The following CNTRL variants were observed in gnomAD, a reference collection of about 807,000 sequenced individuals.
The protein encoded by CNTRL is 110 kDa centrosomal protein.
CNTRL carries 233 observed loss-of-function variants against 303.7 expected under a neutral mutation model. The ratio of observed to expected loss-of-function variants is 0.77; its 90% CI spans 0.69 to 0.86. The LOEUF is 0.86. Ranked by LOEUF, CNTRL falls within the 40% of genes least tolerant of loss-of-function variation. The probability of loss-of-function intolerance (pLI) is 0.00; values close to 1 mark genes in which losing one functional copy is unlikely to be tolerated. For missense variants in CNTRL, 2,524 were observed against 2,650.6 expected (o/e 0.95, Z 1.05); for synonymous variants, 900 against 922.2 (o/e 0.98, Z 0.44).
chr9:121,157,638 G>C (rs1216727667), intron 28 of CNTRL, 38 bp downstream of exon 28: 2 of 1,606,400 alleles, frequency 1.2e-6, no homozygotes, highest in Admixed American at 1.7e-5. Flanking sequence ...TATACATTGA[G>C]ATGAATGAAA....
intron 34 of CNTRL, 110 bp downstream of exon 34, chr9:121,162,381 C>A: frequency 1.2e-6 from 1 of 855,206 alleles, no homozygotes; most frequent in Non-Finnish European, 1.9e-6. Context: ...ACACCACAAA[C>A]TTGGTATCAT....
At chr9:121,115,312 G>T in intron 11 of CNTRL, 112 bp downstream of exon 11, 1 of 537,664 alleles carries the variant, frequency 1.9e-6, no homozygotes, top group Non-Finnish European at 3.2e-6. Flanking sequence ...AGTTAATTAT[G>T]GAATGATAAA....
chr9:121,144,805 A>G, intron 20 of CNTRL, 38 bp from the exon 21 acceptor site: 1 of 1,433,384 alleles, frequency 7.0e-7, no homozygotes, highest in Non-Finnish European at 9.8e-7. Flanking sequence ...ACAACCTGTG[A>G]TAGCAGTGGT....
chr9:121,165,802 TTAAG>T (rs1325885556), intron 35 of CNTRL, among the ~76,000 whole-genome samples: 1 of 152,118 alleles, frequency 6.6e-6, no homozygotes. Context: ...TCCTGAAAGG[TTAAG>T]TTTCTATTTC....
chr9:121,168,849 G>T (rs887439873), intron 38 of CNTRL, among the ~76,000 whole-genome samples: 21 of 152,128 alleles, frequency 1.4e-4, no homozygotes, highest in African/African-American at 4.6e-4. Flanking sequence ...AGGCTCCAGG[G>T]TTTAATAATG....
At chr9:121,092,495 CTA>C (rs376434259) in intron 4 of CNTRL, among the ~76,000 whole-genome samples, 443 of 13,824 alleles carry the variant, frequency 0.032, 24 homozygotes, top group East Asian at 0.23. Context: ...TAATATATAT[CTA>C]TATATATAAT....
chr9:121,082,546 A>G (rs1436216496), intron 2 of CNTRL, among the ~76,000 whole-genome samples: 2 of 152,250 alleles, frequency 1.3e-5, no homozygotes, highest in Admixed American at 1.3e-4. Context: ...TACAAACATC[A>G]TAGAATGTAC....
At position 121,164,934 on chromosome 9, in the gene CNTRL, C is replaced by T. The variant is rs2053023087; in HGVS notation, c.5424-9C>T. Reference sequence around the variant, plus strand: ...TATATTTGACAGTCTGACTTACTCTCTGTGGTAGGGTTTTAGCAGCAGCAG... The same window carrying T: ...TATATTTGACAGTCTGACTTACTCTTTGTGGTAGGGTTTTAGCAGCAGCAG... On this transcript the variant is annotated splice_polypyrimidine_tract_variant and intron_variant, in intron 34 of 43. Coordinates refer to ENST00000373855, the MANE Select transcript of CNTRL (RefSeq NM_007018.6). 6.2e-7 allele frequency: 1 copy of T among 1,607,938 alleles called. No homozygotes were observed. Among genetic ancestry groups the T allele is most frequent in the African/African-American group, 1.3e-5 (1 of 74,480 alleles).
intron 1 of CNTRL, among the ~76,000 whole-genome samples, chr9:121,079,677 T>C (rs1443003887): frequency 2.6e-5 from 4 of 152,158 alleles, no homozygotes; most frequent in Non-Finnish European, 5.9e-5. Flanking sequence ...GCTTAACCTG[T>C]AGTGAATGAG....
At chr9:121,119,104 GTGTA>G (rs1344055378) in intron 12 of CNTRL, among the ~76,000 whole-genome samples, 32 of 149,568 alleles carry the variant, frequency 2.1e-4, no homozygotes, top group African/African-American at 6.6e-4. Flanking sequence ...GTGTGTGTGT[GTGTA>G]TACACACACA....
chr9:121,165,726 C>A (rs1425780620), intron 35 of CNTRL, among the ~76,000 whole-genome samples: 1 of 152,086 alleles, frequency 6.6e-6, no homozygotes, highest in Admixed American at 6.5e-5. Context: ...AAGTGACTTG[C>A]TAGAGGTCAC....
chr9:121,133,079 T>G (rs1480557277), intron 14 of CNTRL, among the ~76,000 whole-genome samples: 1 of 152,186 alleles, frequency 6.6e-6, no homozygotes, highest in Non-Finnish European at 1.5e-5. Context: ...GTCTCCCAGT[T>G]AGGCTACACG....
chr9:121,108,750 A>G (rs1032248791), intron 8 of CNTRL, among the ~76,000 whole-genome samples: 1 of 152,162 alleles, frequency 6.6e-6, no homozygotes, highest in Admixed American at 6.6e-5. Context: ...CCTGGGCAAC[A>G]TAATGAGACC....
intron 4 of CNTRL, among the ~76,000 whole-genome samples, chr9:121,091,985 C>T (rs954947170): frequency 5.5e-5 from 8 of 146,002 alleles, no homozygotes; most frequent in East Asian, 4.0e-4. Flanking sequence ...TCTCCTCAGT[C>T]GCACTCTCAT....
rs746072244 is a variant in CNTRL, at chr9:121,125,940, T to G, written c.2025+4T>G. 1.2e-6 allele frequency: 2 copies of G among 1,612,284 alleles called. No individual in the cohort carries two copies. Among genetic ancestry groups the G allele is most frequent in the Non-Finnish European group, 1.7e-6 (2 of 1,178,290 alleles). ...GGATGCAGAAAATATGAGGAAGGTA[T>G]GATTTTTTTCCTGCCTATTTTCCGT... On this transcript the variant is annotated splice_donor_region_variant and intron_variant, in intron 14 of 43. Coordinates refer to ENST00000373855, the MANE Select transcript of CNTRL (RefSeq NM_007018.6).
intron 31 of CNTRL, among the ~76,000 whole-genome samples, chr9:121,159,546 TG>T (rs1356504901): frequency 6.6e-6 from 1 of 152,068 alleles, no homozygotes; most frequent in Non-Finnish European, 1.5e-5. Context: ...ATAGGAGAAT[TG>T]CTTGAAATTG....
At chr9:121,125,230 T>C (rs1386511306) in intron 13 of CNTRL, among the ~76,000 whole-genome samples, 1 of 151,308 alleles carries the variant, frequency 6.6e-6, no homozygotes, top group African/African-American at 2.4e-5. Context: ...TGCAGTGGCG[T>C]GATCTTGGCT....
Position 121,144,028 on chromosome 9 carries a change from C to T in CNTRL, c.2997C>T (p.Asp999=). The change falls in exon 20 of 44, where the codon GAC becomes GAT. Residue 999 remains aspartate (D), a synonymous_variant. Coordinates refer to ENST00000373855, the MANE Select transcript of CNTRL (RefSeq NM_007018.6). The stretch of plus-strand genomic sequence containing the variant: ...CAGCTGAGCTCACCATTGCCAAAGA[C>T]CAGCTGAAGTCCCTTCATGGAACTG... The part of the protein sequence containing the change: ...LATAELTIAK[D]QLKSLHGTVM... 6.2e-7 allele frequency: 1 copy of T among 1,613,912 alleles called. No homozygotes were observed. The highest frequency in any genetic ancestry group is 1.7e-4 in the Middle Eastern group (1 of 6,060).
At chr9:121,175,971 A>G (rs552046830) in intron 43 of CNTRL, among the ~76,000 whole-genome samples, 1 of 152,336 alleles carries the variant, frequency 6.6e-6, no homozygotes, top group African/African-American at 2.4e-5. Flanking sequence ...CCTGAATTTC[A>G]CAAAGGTTTT....
Sources: gnomAD v4.1 joint callset for allele counts (sites outside exome capture counted in the v4.1 genomes callset) on GRCh38, gnomAD v4.1.1 for gene constraint, MANE v1.5 for transcripts, NCBI Gene and HGNC (gene_info 2026-07-23, HGNC 2026-07-21) for gene names.